Variants in ANO10 observed in about 807,000 individuals in gnomAD.
ANO10 encodes anoctamin 10, also known as anoctamin-10.
A neutral mutation model predicts 74.7 loss-of-function variants in ANO10; 77 were observed. The ratio of observed to expected loss-of-function variants is 1.03; its 90% CI spans 0.86 to 1.25. ANO10 has a LOEUF of 1.25. Among genes scored for constraint, ANO10 ranks in the 50% most tolerant of loss-of-function variants. The pLI, the probability that ANO10 is intolerant of heterozygous loss-of-function variation, is 0.00. For synonymous variants in ANO10, 279 were observed against 284.9 expected (o/e 0.98, Z 0.21); for missense variants, 721 against 778.1 (o/e 0.93, Z 0.87).
At chr3:43,414,393 T>C (rs569813372) in intron 12 of ANO10, among the ~76,000 whole-genome samples, 1 of 152,302 alleles carries the variant, frequency 6.6e-6, no homozygotes, top group African/African-American at 2.4e-5. Context: ...AAACTCTATG[T>C]TCTGATTTAT....
intron 1 of ANO10, among the ~76,000 whole-genome samples, chr3:43,671,128 G>C (rs2084054319): frequency 6.6e-6 from 1 of 152,118 alleles, no homozygotes; most frequent in South Asian, 2.1e-4. Context: ...AAAGATCAAT[G>C]GACTTAATTA....
intron 11 of ANO10, among the ~76,000 whole-genome samples, chr3:43,499,829 G>T (rs2077037712): frequency 6.6e-6 from 1 of 150,644 alleles, no homozygotes. Flanking sequence ...TGTACTACTA[G>T]ATTTTTTTTT....
chr3:43,461,389 CCAGA>C (rs774300018), intron 11 of ANO10, among the ~76,000 whole-genome samples: 15 of 152,176 alleles, frequency 9.9e-5, no homozygotes, highest in South Asian at 6.2e-4. Context: ...CTTCTCAGGC[CCAGA>C]CAGTTTTATT....
intron 12 of ANO10, among the ~76,000 whole-genome samples, chr3:43,375,607 G>A (rs1232438606): frequency 6.6e-6 from 1 of 152,122 alleles, no homozygotes; most frequent in African/African-American, 2.4e-5. Flanking sequence ...ACTCAGATGC[G>A]GAGACACTTC....
chr3:43,471,890 G>A (rs1269418898), intron 11 of ANO10, among the ~76,000 whole-genome samples: 6 of 152,110 alleles, frequency 3.9e-5, no homozygotes, highest in Admixed American at 1.3e-4. Context: ...CAATGTCATG[G>A]CTACTTTATC....
intron 12 of ANO10, among the ~76,000 whole-genome samples, chr3:43,399,901 A>G (rs527941331): frequency 6.6e-6 from 1 of 151,856 alleles, no homozygotes; most frequent in East Asian, 1.9e-4. Flanking sequence ...CTAAGCTCCC[A>G]CCCCAATTTT....
intron 12 of ANO10, among the ~76,000 whole-genome samples, chr3:43,375,479 C>T (rs994012038): frequency 6.6e-6 from 1 of 151,928 alleles, no homozygotes; most frequent in Admixed American, 6.6e-5. Flanking sequence ...TAAAAAATAT[C>T]CAGAAGTCCT....
chr3:43,642,250 T>C (rs60771922), intron 1 of ANO10, among the ~76,000 whole-genome samples: 7,013 of 152,302 alleles, frequency 0.046, 532 homozygotes, highest in African/African-American at 0.16. Context: ...ATAGTTGTTT[T>C]TGCCTCTCTT....
At chr3:43,445,200 C>A (rs1299750953) in intron 11 of ANO10, among the ~76,000 whole-genome samples, 1 of 149,648 alleles carries the variant, frequency 6.7e-6, no homozygotes, top group Non-Finnish European at 1.5e-5. Context: ...AACAAAGGAA[C>A]CAGAGCTCCT....
At chr3:43,460,533 T>C (rs1167939916) in intron 11 of ANO10, among the ~76,000 whole-genome samples, 6 of 152,208 alleles carry the variant, frequency 3.9e-5, no homozygotes, top group Admixed American at 6.5e-5. Flanking sequence ...CCTCCCCCTC[T>C]CCCCTTTGTC....
At chr3:43,573,979 G>A (rs142148000) in intron 7 of ANO10, among the ~76,000 whole-genome samples, 7,212 of 152,214 alleles carry the variant, frequency 0.047, 237 homozygotes, top group Non-Finnish European at 0.073. Context: ...TTTTGAGACA[G>A]GGTCTCGCTC....
At chr3:43,652,263 A>C (rs781668645) in intron 1 of ANO10, among the ~76,000 whole-genome samples, 19 of 152,324 alleles carry the variant, frequency 1.2e-4, no homozygotes, top group Admixed American at 5.9e-4. Flanking sequence ...AACATATAGT[A>C]ATCAAAACAG....
At chr3:43,451,631 G>A (rs188502631) in intron 11 of ANO10, among the ~76,000 whole-genome samples, 99 of 152,258 alleles carry the variant, frequency 6.5e-4, no homozygotes, top group African/African-American at 2.2e-3. Context: ...GTGGGGATTA[G>A]GGGGTGGGTA....
chr3:43,546,685 G>C (rs1229300530), intron 11 of ANO10, among the ~76,000 whole-genome samples: 1 of 151,126 alleles, frequency 6.6e-6, no homozygotes, highest in Non-Finnish European at 1.5e-5. Context: ...CTCAATAGTA[G>C]TGTGGACATA....
At chr3:43,416,815 T>C (rs559156403) in intron 12 of ANO10, among the ~76,000 whole-genome samples, 1 of 152,338 alleles carries the variant, frequency 6.6e-6, no homozygotes, top group East Asian at 1.9e-4. Flanking sequence ...TAGAGATTAT[T>C]GTCAATCATC....
intron 11 of ANO10, among the ~76,000 whole-genome samples, chr3:43,453,646 G>A (rs541635974): frequency 3.9e-5 from 6 of 152,248 alleles, no homozygotes; most frequent in Admixed American, 3.9e-4. Context: ...ATATAGTGTG[G>A]GGTAGGGATC....
intron 12 of ANO10, among the ~76,000 whole-genome samples, chr3:43,416,388 G>C (rs1423115319): frequency 6.6e-6 from 1 of 152,144 alleles, no homozygotes; most frequent in Non-Finnish European, 1.5e-5. Flanking sequence ...TTGGCAGATA[G>C]TAACTGCCTT....
intron 11 of ANO10, among the ~76,000 whole-genome samples, chr3:43,438,011 A>G (rs1198582800): frequency 6.6e-6 from 1 of 152,188 alleles, no homozygotes; most frequent in Non-Finnish European, 1.5e-5. Flanking sequence ...TCAGTGAGCT[A>G]TAAGAGGTCA....
At chr3:43,616,092 T>G (rs948722297) in intron 1 of ANO10, among the ~76,000 whole-genome samples, 1 of 152,164 alleles carries the variant, frequency 6.6e-6, no homozygotes, top group Non-Finnish European at 1.5e-5. Flanking sequence ...CTCAACAGTA[T>G]GTGAAATAAA....
Sources: gnomAD v4.1 joint callset for allele counts (sites outside exome capture counted in the v4.1 genomes callset) on GRCh38, gnomAD v4.1.1 for gene constraint, MANE v1.5 for transcripts, NCBI Gene and HGNC (gene_info 2026-07-23, HGNC 2026-07-21) for gene names.